Variants in UNC13C observed in about 807,000 individuals in gnomAD.
UNC13C encodes the protein protein unc-13 homolog C.
UNC13C carries 174 observed loss-of-function variants against 245.4 expected under a neutral mutation model. The observed-to-expected ratio is 0.71, with a 90% CI of 0.63 to 0.80. The LOEUF is 0.80. UNC13C is among the 30% of genes least tolerant of loss of function. The pLI is 0.00. For synonymous variants in UNC13C, 992 were observed against 895.1 expected, an observed-to-expected ratio of 1.11 and a Z score of -1.93; for missense variants, 2,829 against 2,602.9, an observed-to-expected ratio of 1.09 and a Z score of -1.89.
intron 11 of UNC13C, among the ~76,000 whole-genome samples, chr15:54,297,439 A>G (rs2037465572): frequency 1.3e-5 from 2 of 152,050 alleles, no homozygotes; most frequent in Non-Finnish European, 2.9e-5. Context: ...TATAACCTCA[A>G]ACTCCTGAGT....
chr15:54,383,271 A>G (rs577738943), intron 17 of UNC13C, among the ~76,000 whole-genome samples: 3 of 152,330 alleles, frequency 2.0e-5, no homozygotes, highest in Non-Finnish European at 2.9e-5. Flanking sequence ...TGATAAATAT[A>G]GATGCAAAAA....
intron 10 of UNC13C, among the ~76,000 whole-genome samples, chr15:54,272,526 A>C (rs1225710031): frequency 6.6e-6 from 1 of 152,170 alleles, no homozygotes; most frequent in Admixed American, 6.5e-5. Context: ...GATGGTACCA[A>C]CATCAGCAAG....
intron 1 of UNC13C, among the ~76,000 whole-genome samples, chr15:53,994,328 A>C (rs1198713412): frequency 2.0e-5 from 3 of 152,028 alleles, no homozygotes; most frequent in Non-Finnish European, 4.4e-5. Context: ...ATTTTGAAAT[A>C]ATTTATTTAT....
At chr15:54,191,458 C>CATTTGAGT (rs2034180788) in intron 4 of UNC13C, among the ~76,000 whole-genome samples, 1 of 152,120 alleles carries the variant, frequency 6.6e-6, no homozygotes, top group Non-Finnish European at 1.5e-5. Context: ...CATTGATGGG[C>CATTTGAGT]ATTTGAGTTC....
intron 2 of UNC13C, among the ~76,000 whole-genome samples, chr15:54,063,725 A>C (rs1251353443): frequency 1.3e-5 from 2 of 152,194 alleles, no homozygotes; most frequent in Non-Finnish European, 2.9e-5. Flanking sequence ...TCTTTGTGCT[A>C]AGTGTGAAAG....
chr15:54,610,150 C>T (rs1900004841), intron 30 of UNC13C, among the ~76,000 whole-genome samples: 1 of 152,054 alleles, frequency 6.6e-6, no homozygotes. Context: ...CAAAAGAGTT[C>T]CTTCACTGTT....
intron 4 of UNC13C, among the ~76,000 whole-genome samples, chr15:54,193,242 T>C (rs1042138431): frequency 1.3e-5 from 2 of 152,174 alleles, no homozygotes; most frequent in African/African-American, 4.8e-5. Context: ...GTTACATATC[T>C]CCTTATGAAT....
chr15:54,156,416 A>C (rs940827171), intron 4 of UNC13C, among the ~76,000 whole-genome samples: 3 of 152,186 alleles, frequency 2.0e-5, no homozygotes, highest in Non-Finnish European at 4.4e-5. Context: ...CTTTTTATAC[A>C]AGATGACATC....
At chr15:54,620,045 T>G (rs576335776) in intron 30 of UNC13C, among the ~76,000 whole-genome samples, 1 of 152,194 alleles carries the variant, frequency 6.6e-6, no homozygotes, top group South Asian at 2.1e-4. Flanking sequence ...CATTGCACTT[T>G]AGGGTTGTAC....
At chr15:53,972,735 A>G in the UNC13C span, 2 of 152,152 alleles carry the variant, frequency 1.3e-5, no homozygotes, top group African/African-American at 2.4e-5. Context: ...TGCATATTGA[A>G]TAACTCCTGA....
At chr15:54,155,901 G>A (rs2032723752) in intron 4 of UNC13C, among the ~76,000 whole-genome samples, 4 of 152,208 alleles carry the variant, frequency 2.6e-5, no homozygotes, top group Non-Finnish European at 5.9e-5. Context: ...AGGCAAGAAA[G>A]TGGACAGTAG....
rs187857112 is a variant in UNC13C, at chr15:54,343,897, G to T, written c.4713+5408G>T. Among the ~76,000 whole-genome samples the T allele has an allele frequency of 5.8e-3, 715 of 124,126 alleles. 4 individuals carry two copies. The highest frequency in any genetic ancestry group is 0.017 in the African/African-American group (681 of 39,296). 81.4% of individuals were successfully genotyped at this position (124,126 alleles called of 152,430 possible). ...ACTAAGAGTTAACATTTGGGGTAAG[G>T]GGGGGTCCTGGCTAACAGATCTGAT... On this transcript the variant is annotated intron_variant, in intron 17 of 32. Coordinates refer to ENST00000260323, the MANE Select transcript of UNC13C (RefSeq NM_001080534.3).
intron 17 of UNC13C, among the ~76,000 whole-genome samples, chr15:54,357,911 A>G (rs1194246063): frequency 1.3e-5 from 2 of 152,096 alleles, no homozygotes; most frequent in African/African-American, 4.8e-5. Context: ...ATGTATATAC[A>G]TTAATCTTTA....
At chr15:54,058,542 G>A (rs970861074) in intron 2 of UNC13C, among the ~76,000 whole-genome samples, 15 of 152,164 alleles carry the variant, frequency 9.9e-5, no homozygotes, top group East Asian at 1.9e-4. Flanking sequence ...ACAAGGAGGA[G>A]CTGGTACCAT....
intron 13 of UNC13C, among the ~76,000 whole-genome samples, chr15:54,318,815 C>T (rs924943398): frequency 6.6e-6 from 1 of 151,642 alleles, no homozygotes; most frequent in Non-Finnish European, 1.5e-5. Flanking sequence ...GAGGTCATAT[C>T]AAAAAAATAA....
At chr15:54,450,671 C>T (rs1335879944) in intron 19 of UNC13C, among the ~76,000 whole-genome samples, 1 of 152,216 alleles carries the variant, frequency 6.6e-6, no homozygotes, top group East Asian at 1.9e-4. Context: ...CGGTCTGTCA[C>T]AGCTTTGCTT....
chr15:54,212,944 C>T (rs1449179177), intron 4 of UNC13C, among the ~76,000 whole-genome samples: 1 of 151,996 alleles, frequency 6.6e-6, no homozygotes, highest in East Asian at 1.9e-4. Flanking sequence ...GGCAAACTGC[C>T]ACTATGCTAA....
chr15:54,218,971 A>C (rs1040729250), intron 4 of UNC13C, among the ~76,000 whole-genome samples: 1 of 152,104 alleles, frequency 6.6e-6, no homozygotes, highest in African/African-American at 2.4e-5. Context: ...ATGGAAGAAC[A>C]TTCCATGCTC....
chr15:54,011,968 C>A (rs996425131), intron 1 of UNC13C, among the ~76,000 whole-genome samples: 6 of 152,144 alleles, frequency 3.9e-5, no homozygotes, highest in African/African-American at 1.4e-4. Context: ...ACCAACAAAG[C>A]CTTTTGACTG....
Sources: gnomAD v4.1 joint callset for allele counts (sites outside exome capture counted in the v4.1 genomes callset) on GRCh38, gnomAD v4.1.1 for gene constraint, MANE v1.5 for transcripts, NCBI Gene and HGNC (gene_info 2026-07-23, HGNC 2026-07-21) for gene names.